Variants in TBC1D8B observed in about 807,000 individuals in gnomAD.
TBC1D8B encodes RP11-321G1.1.
A neutral mutation model predicts 82.9 loss-of-function variants in TBC1D8B; 75 were observed. That is an observed-to-expected ratio of 0.90 (90% confidence interval 0.75 to 1.10). TBC1D8B has a LOEUF of 1.10. Among genes scored for constraint, TBC1D8B ranks in the 50% least tolerant of loss-of-function variants. The pLI is 0.00. For synonymous variants in TBC1D8B, 276 were observed against 276.8 expected (o/e 1.00, Z 0.03); for missense variants, 794 against 796.9 (o/e 1.00, Z 0.04).
intron 7 of TBC1D8B, among the ~76,000 whole-genome samples, chrX:106,831,706 G>A (rs1932050328): frequency 9.0e-6 from 1 of 111,614 alleles, no homozygotes. Flanking sequence ...AAAGGATTTT[G>A]TTTCAAAATG....
chrX:106,816,460 A>T (rs1436856177), intron 1 of TBC1D8B, among the ~76,000 whole-genome samples: 1 of 111,127 alleles, frequency 9.0e-6, no homozygotes, highest in African/African-American at 3.3e-5. Flanking sequence ...TGATAGAATT[A>T]TTTTTCCTTT....
intron 1 of TBC1D8B, among the ~76,000 whole-genome samples, chrX:106,805,072 C>CTTTTT (rs11432144): frequency 0.019 from 1,060 of 54,497 alleles, 33 homozygotes; most frequent in Middle Eastern, 0.062. Flanking sequence ...TGCAAGTTTC[C>CTTTTT]TTTTTTTTTT....
intron 14 of TBC1D8B, among the ~76,000 whole-genome samples, chrX:106,855,511 T>C (rs1461573581): frequency 8.9e-6 from 1 of 111,985 alleles, no homozygotes; most frequent in Non-Finnish European, 1.9e-5. Flanking sequence ...TCTGCAACTT[T>C]TTTCATTCAG....
intron 6 of TBC1D8B, 30 bp downstream of exon 6, chrX:106,826,267 T>G: frequency 1.7e-6 from 2 of 1,154,838 alleles, no homozygotes. Context: ...ATATCAGTTT[T>G]TAGTTTGAAA....
chrX:106,858,336 G>A (rs767051871), intron 14 of TBC1D8B, among the ~76,000 whole-genome samples: 59 of 111,704 alleles, frequency 5.3e-4, no homozygotes, highest in African/African-American at 1.7e-3. Context: ...GCAGTGGTGC[G>A]ATCTTGGCTC....
intron 1 of TBC1D8B, among the ~76,000 whole-genome samples, chrX:106,809,990 T>C (rs1366355992): frequency 9.0e-6 from 1 of 111,297 alleles, no homozygotes; most frequent in Non-Finnish European, 1.9e-5. Flanking sequence ...ATACAATTGC[T>C]AGTGTAGTCA....
At chrX:106,865,650 G>T in intron 15 of TBC1D8B, 23 bp downstream of exon 15, 1 of 1,146,220 alleles carries the variant, frequency 8.7e-7, no homozygotes, top group Non-Finnish European at 1.2e-6. Context: ...TTCTTTAAAT[G>T]AAAAATAATG....
In TBC1D8B at chrX:106,830,562, T is replaced by C. The variant is rs1436286109; in HGVS notation, c.1203+3225T>C. ...AACCAAGCCAAATGTCCAACAATGA[T>C]AGACTGGACTAAGAAAATATGGCAC... On this transcript the variant is annotated intron_variant, in intron 7 of 20. Transcript: ENST00000357242. Among the ~76,000 whole-genome samples the C allele has an allele frequency of 5.4e-5, 6 of 110,861 alleles. No individual in the cohort carries two copies. The South Asian group carries it at 2.4e-3, about 44-fold the overall frequency.
rs1932873791 is a variant in TBC1D8B, at chrX:106,874,499, AT to A, written c.*541del. On this transcript the variant is annotated 3_prime_UTR_variant, in exon 21 of 21. Coordinates refer to ENST00000357242, the MANE Select transcript of TBC1D8B (RefSeq NM_017752.3). ...AAGTTATCTAACTGAAATATTATTA[AT>A]TTTTTTAAGTTAATCTCATTCAGTC... 1 of 111,481 alleles carries A rather than the reference AT, an allele frequency of 9.0e-6. No homozygotes were observed. Among genetic ancestry groups the A allele is most frequent in the South Asian group, 3.8e-4 (1 of 2,631 alleles). The allele number at this position is 111,481 out of a possible 1,213,427, so 9.2% of individuals were successfully genotyped here.
chrX:106,855,912 C>T (rs1602432836), intron 14 of TBC1D8B, among the ~76,000 whole-genome samples: 1 of 111,378 alleles, frequency 9.0e-6, no homozygotes, highest in South Asian at 3.8e-4. Flanking sequence ...GGCACACACT[C>T]GTAGTCCCAG....
intron 6 of TBC1D8B, 119 bp from the exon 7 acceptor site, chrX:106,827,051 A>T: frequency 1.4e-6 from 1 of 736,941 alleles, no homozygotes; most frequent in Non-Finnish European, 2.0e-6. Flanking sequence ...TCTATTTCTT[A>T]ATAAGTCATA....
At chrX:106,835,340 C>T (rs1932150009) in intron 7 of TBC1D8B, among the ~76,000 whole-genome samples, 1 of 112,469 alleles carries the variant, frequency 8.9e-6, no homozygotes, top group Non-Finnish European at 1.9e-5. Context: ...GCTGAAGCAG[C>T]TGGGATGCAG....
At chrX:106,811,660 C>T (rs1602404550) in intron 1 of TBC1D8B, among the ~76,000 whole-genome samples, 1 of 112,191 alleles carries the variant, frequency 8.9e-6, no homozygotes, top group African/African-American at 3.2e-5. Context: ...AAAAGTACTA[C>T]ACTGTATACC....
chrX:106,870,671 A>G lies in TBC1D8B; in HGVS notation c.2870-45A>G, dbSNP rs73531186. The G allele has an allele frequency of 3.9e-3, 3,359 of 854,802 alleles. 85 individuals carry two copies. In the African/African-American group the frequency reaches 0.059, roughly 15 times the overall value. 70.4% of individuals were successfully genotyped at this position (854,802 alleles called of 1,213,427 possible). A position where few individuals can be genotyped will look rare whatever the true frequency, so the allele number is the denominator to read the frequency against. On this transcript the variant is annotated intron_variant, in intron 19 of 20. Transcript: ENST00000357242. ...TATTATTTTTGAATTTTGGGAAAGT[A>G]TAGTGGGCTGTTCCTTATGAAATGG...
intron 1 of TBC1D8B, among the ~76,000 whole-genome samples, chrX:106,809,149 G>A (rs1931279253): frequency 1.8e-5 from 2 of 111,518 alleles, no homozygotes; most frequent in African/African-American, 6.5e-5. Context: ...TAAATGTGAT[G>A]GTATACAATG....
At chrX:106,830,728 A>T (rs1275718887) in intron 7 of TBC1D8B, among the ~76,000 whole-genome samples, 2 of 97,950 alleles carry the variant, frequency 2.0e-5, no homozygotes, top group African/African-American at 7.6e-5. Context: ...TCTCACTCAT[A>T]GGTGGGAATT....
At position 106,852,343 on chromosome X, in the gene TBC1D8B, A is replaced by C. The variant is rs1165102434; in HGVS notation, c.2124-1178A>C. ...CTTTGTCAGATGAGTAGGTTGCAAAAATTTTCTCCCATTCTGTAGGTTGCC... is the reference window on the plus strand; with the variant it reads ...CTTTGTCAGATGAGTAGGTTGCAAACATTTTCTCCCATTCTGTAGGTTGCC... On this transcript the variant is annotated intron_variant, in intron 12 of 20. Coordinates refer to ENST00000357242, the MANE Select transcript of TBC1D8B (RefSeq NM_017752.3). Among the ~76,000 whole-genome samples the C allele has an allele frequency of 2.9e-5, 3 of 102,742 alleles. No homozygotes were observed. The East Asian group carries it at 9.2e-4, about 31-fold the overall frequency. The allele number at this position is 102,742 out of a possible 115,157, so 89.2% of individuals were successfully genotyped here. A position where few individuals can be genotyped will look rare whatever the true frequency, so the allele number is the denominator to read the frequency against.
chrX:106,811,141 T>C (rs916476944), intron 1 of TBC1D8B, among the ~76,000 whole-genome samples: 6 of 112,017 alleles, frequency 5.4e-5, no homozygotes, highest in Admixed American at 9.4e-5. Context: ...TTTCAGAGAA[T>C]AAAATGTTCC....
At chrX:106,820,477 ATAT>A (rs1378244378) in intron 2 of TBC1D8B, among the ~76,000 whole-genome samples, 1 of 111,791 alleles carries the variant, frequency 8.9e-6, no homozygotes, top group African/African-American at 3.2e-5. Context: ...TCAGCCACAC[ATAT>A]TATAGACACA....
Sources: allele counts gnomAD v4.1 joint callset (sites outside exome capture counted in the v4.1 genomes callset), GRCh38; gene constraint gnomAD v4.1.1; transcripts MANE v1.5; gene names NCBI Gene and HGNC (gene_info 2026-07-23, HGNC 2026-07-21).